The following HAUS4 variants were observed in gnomAD, a reference collection of about 807,000 sequenced individuals.
HAUS4 encodes HAUS augmin-like complex subunit 4.
Under a neutral mutation model 50.6 loss-of-function variants are expected in HAUS4, and 34 were observed. The ratio of observed to expected loss-of-function variants is 0.67; its 90% confidence interval spans 0.51 to 0.90. The LOEUF is 0.90. Ranked by LOEUF, HAUS4 falls within the 40% of genes least tolerant of loss-of-function variation. The pLI, the probability that HAUS4 is intolerant of heterozygous loss-of-function variation, is 0.00. For synonymous variants in HAUS4, 149 were observed against 161.4 expected (o/e 0.92, Z 0.58); for missense variants, 370 against 428.7 (o/e 0.86, Z 1.21).
chr14:22,955,002 GGT>G lies in HAUS4; in HGVS notation c.55+96_55+97del, dbSNP rs1259418518. ...AGCCTCCCAAAGTGCTGGGATTACA[GGT>G]GTGAGCCAATAAATGCTTTTTACTA... On this transcript the variant is annotated intron_variant, in intron 2 of 9. Transcript: ENST00000541587. The G allele has an allele frequency of 3.4e-6, 3 of 889,356 alleles. No individual in the cohort carries two copies. In the African/African-American group the frequency reaches 4.9e-5, roughly 15 times the overall value. The allele number at this position is 889,356 out of a possible 1,614,324, so 55.1% of individuals were successfully genotyped here.
intron 7 of HAUS4, 36 bp from the exon 8 acceptor site, chr14:22,947,767 A>G (rs377615179): frequency 6.2e-7 from 1 of 1,613,104 alleles, no homozygotes; most frequent in African/African-American, 1.3e-5. Context: ...GGGCATAAAT[A>G]AAGATAGTAG....
In HAUS4 at chr14:22,951,690, CTG is replaced by C. The variant is rs1189932141; in HGVS notation, c.331-3_331-2del. On this transcript the variant is annotated splice_acceptor_variant and splice_polypyrimidine_tract_variant and intron_variant, in intron 4 of 9. Coordinates refer to ENST00000541587, the MANE Select transcript of HAUS4 (RefSeq NM_001166269.2). LOFTEE classifies it high-confidence loss of function. ...GCCGCTGTTCAAGGGTCTCATGAAACTGAGAGAGAGAGAATAAAAAACAAAAA... is the reference window on the plus strand; with the variant it reads ...GCCGCTGTTCAAGGGTCTCATGAAACAGAGAGAGAGAATAAAAAACAAAAA... 3 of 1,597,886 alleles carry C rather than the reference CTG, an allele frequency of 1.9e-6. No homozygotes were observed. The highest frequency in any genetic ancestry group is 3.6e-5 in the Admixed American group (2 of 55,826).
At chr14:22,949,504 G>C (rs1422862784) in intron 6 of HAUS4, among the ~76,000 whole-genome samples, 2 of 141,364 alleles carry the variant, frequency 1.4e-5, no homozygotes, top group Non-Finnish European at 3.0e-5. Context: ...ACTCCAGCCT[G>C]GGGGACAGAG....
chr14:22,952,508 CCTT>C lies in HAUS4; in HGVS notation c.198+30_198+32del, dbSNP rs775965664. Reference sequence around the variant, plus strand: ...TAGGAACCTCTCTCTCAGGATTTTCCCTTCTTCTTATCTCTTCTCCCAAAGCCC... The same window carrying C: ...TAGGAACCTCTCTCTCAGGATTTTCCCTTCTTATCTCTTCTCCCAAAGCCC... On this transcript the variant is annotated intron_variant, in intron 3 of 9. Coordinates refer to ENST00000541587, the MANE Select transcript of HAUS4 (RefSeq NM_001166269.2). The C allele has an allele frequency of 2.8e-5, 45 of 1,613,126 alleles. No individual in the cohort carries two copies. The East Asian group carries it at 7.4e-4, about 26-fold the overall frequency.
chr14:22,953,309 A>AT (rs111896525), intron 2 of HAUS4, among the ~76,000 whole-genome samples: 212 of 148,402 alleles, frequency 1.4e-3, no homozygotes, highest in African/African-American at 4.5e-3. Context: ...TGACTGGCTA[A>AT]TTTTTTTTTT....
intron 6 of HAUS4, 97 bp downstream of exon 6, chr14:22,950,217 T>C: frequency 1.7e-6 from 1 of 602,440 alleles, no homozygotes; most frequent in Admixed American, 2.7e-5. Context: ...GTTCTAAACC[T>C]CTGTCCCAAA....
chr14:22,952,643 CT>C lies in HAUS4; in HGVS notation c.95del (p.Glu32GlyfsTer14). The C allele has an allele frequency of 6.2e-7, 1 of 1,612,386 alleles. No homozygotes were observed. The highest frequency in any genetic ancestry group is 1.1e-5 in the South Asian group (1 of 90,694). ...TGAAGTATGGGTTCTGTAACAGGTC[CT>C]CTTTACTCAGGTTACAAGGAGGAAG... ...KQLPPCNLSK[E>X]DLLQNPYFSK... On this transcript the variant is annotated frameshift_variant, in exon 3 of 10. Transcript: ENST00000541587. LOFTEE classifies it high-confidence loss of function.
intron 6 of HAUS4, among the ~76,000 whole-genome samples, chr14:22,948,726 G>A (rs966845334): frequency 1.3e-5 from 2 of 151,758 alleles, no homozygotes; most frequent in African/African-American, 2.4e-5. Flanking sequence ...TAGTAGAGAC[G>A]GGGTTTCACT....
At position 22,946,544 on chromosome 14, in the gene HAUS4, A is replaced by C; in HGVS notation, c.1073T>G (p.Phe358Cys). The C allele has an allele frequency of 6.2e-7, 1 of 1,613,610 alleles. No individual in the cohort carries two copies. The highest frequency in any genetic ancestry group is 8.5e-7 in the Non-Finnish European group (1 of 1,179,750). ...CAGAGCTCAACGGTAGACCTTGCTG[A>C]ACTCCTGGAGGGCCCACCGCTTGTT... ...TENKRWALQE[F>C]SKVYR The change falls in exon 10 of 10, where the codon TTC (phenylalanine) becomes TGC (cysteine). Residue 358 changes from phenylalanine to cysteine, a missense_variant. Physicochemically the swap from Phe to Cys is radical, Grantham distance 205. Transcript: ENST00000541587.
intron 4 of HAUS4, 72 bp downstream of exon 4, chr14:22,952,256 G>C: frequency 7.9e-7 from 1 of 1,267,072 alleles, no homozygotes; most frequent in South Asian, 1.3e-5. Context: ...GACCTCAAGT[G>C]ATCAGCCTGC....
At chr14:22,953,883 G>T (rs1391080131) in intron 2 of HAUS4, among the ~76,000 whole-genome samples, 1 of 151,760 alleles carries the variant, frequency 6.6e-6, no homozygotes, top group Non-Finnish European at 1.5e-5. Context: ...GCCCGCCTCG[G>T]CTTCCCAAAG....
chr14:22,952,315 G>GC lies in HAUS4; in HGVS notation c.330+12dup, dbSNP rs2044769335. ...TTACAGGTGTTAGCCACCACGCCCA[G>GC]CCTTTGCCTCACCTTTTTGTCCTCA... is the stretch of plus-strand genomic sequence containing the variant. On this transcript the variant is annotated intron_variant, in intron 4 of 9. Coordinates refer to ENST00000541587, the MANE Select transcript of HAUS4 (RefSeq NM_001166269.2). 1.9e-6 allele frequency: 3 copies of GC among 1,611,824 alleles called. No individual in the cohort carries two copies. In the South Asian group the frequency reaches 3.3e-5, roughly 18 times the overall value.
intron 8 of HAUS4, 45 bp from the exon 9 acceptor site, chr14:22,947,284 T>C (rs748598673): frequency 2.2e-6 from 3 of 1,334,700 alleles, no homozygotes; most frequent in South Asian, 2.3e-5. Context: ...AGGTCCCTGA[T>C]AGCAGCAGGG....
rs1328151213 is a variant in HAUS4 at position 22,952,645 on chromosome 14, CTT to C, written c.92_93del (p.Lys31ArgfsTer22). 1.2e-6 allele frequency: 2 copies of C among 1,612,180 alleles called. No individual in the cohort carries two copies. Among genetic ancestry groups the C allele is most frequent in the Non-Finnish European group, 1.7e-6 (2 of 1,179,400 alleles). On this transcript the variant is annotated frameshift_variant, in exon 3 of 10. Coordinates refer to ENST00000541587, the MANE Select transcript of HAUS4 (RefSeq NM_001166269.2). LOFTEE classifies it high-confidence loss of function. Reference sequence around the variant, plus strand: ...AAGTATGGGTTCTGTAACAGGTCCTCTTTACTCAGGTTACAAGGAGGAAGTTG... The same window carrying C: ...AAGTATGGGTTCTGTAACAGGTCCTCTACTCAGGTTACAAGGAGGAAGTTG... ...SKQLPPCNLS[K>X]EDLLQNPYFS... is the part of the protein sequence containing the mutation.
intron 2 of HAUS4, among the ~76,000 whole-genome samples, chr14:22,953,886 T>A (rs1159707976): frequency 6.6e-6 from 1 of 151,914 alleles, no homozygotes; most frequent in Non-Finnish European, 1.5e-5. Flanking sequence ...CGCCTCGGCT[T>A]CCCAAAGTGC....
At chr14:22,951,737 T>C (rs2044756869) in intron 4 of HAUS4, 48 bp from the exon 5 acceptor site, 3 of 1,540,476 alleles carry the variant, frequency 1.9e-6, no homozygotes, top group Non-Finnish European at 2.6e-6. Context: ...ATAAAACTTC[T>C]CCCACTCCAC....
chr14:22,946,738 TA>T, intron 9 of HAUS4, 30 bp from the exon 10 acceptor site: 1 of 1,480,336 alleles, frequency 6.8e-7, no homozygotes, highest in African/African-American at 1.4e-5. Flanking sequence ...AGGCACAATA[TA>T]AGGGTGCTGC....
In HAUS4 at chr14:22,946,585, G is replaced by A; in HGVS notation, c.1032C>T (p.Leu344=). Residue 344 remains leucine (L), a synonymous_variant, in exon 10 of 10, where the codon CTC becomes CTT. Transcript: ENST00000541587. ...ACCGCTTGTTCTCTGTTGCCTGCTT[G>A]AGTACGGTGTACTCTTTCACCAGCC... ...FDRLVKEYTV[L]KQATENKRWA... 6.2e-7 allele frequency: 1 copy of A among 1,614,020 alleles called. No homozygotes were observed. Among genetic ancestry groups the A allele is most frequent in the South Asian group, 1.1e-5 (1 of 91,056 alleles).
In HAUS4 at chr14:22,952,369, C is replaced by A; in HGVS notation, c.289G>T (p.Val97Leu). The change falls in exon 4 of 10, where the codon GTG becomes TTG. Residue 97 changes from valine (V) to leucine (L), a missense_variant. Coordinates refer to ENST00000541587, the MANE Select transcript of HAUS4 (RefSeq NM_001166269.2). ...GTTACATTTGTGTCTTGTATCTTCACATAGTAGTCCACAAGCAACTCTTGA... is the reference window on the plus strand; with the variant it reads ...GTTACATTTGTGTCTTGTATCTTCAAATAGTAGTCCACAAGCAACTCTTGA... ...VIQELLVDYY[V>L]KIQDTNVTSE... is the part of the protein sequence containing the mutation. 6.2e-7 allele frequency: 1 copy of A among 1,614,110 alleles called. No individual in the cohort carries two copies. Among genetic ancestry groups the A allele is most frequent in the South Asian group, 1.1e-5 (1 of 91,078 alleles).
Sources: gnomAD v4.1 joint callset for allele counts (sites outside exome capture counted in the v4.1 genomes callset) on GRCh38, gnomAD v4.1.1 for gene constraint, MANE v1.5 for transcripts, NCBI Gene and HGNC (gene_info 2026-07-23, HGNC 2026-07-21) for gene names.